Variants in DOCK4 observed in about 807,000 individuals in gnomAD.
DOCK4 encodes the protein dedicator of cytokinesis 4.
Under a neutral mutation model 268.1 loss-of-function variants are expected in DOCK4, and 97 were observed. The ratio of observed to expected loss-of-function variants is 0.36; its 90% CI spans 0.31 to 0.43. DOCK4 has a LOEUF of 0.43. DOCK4 is among the 20% of genes least tolerant of loss of function. The pLI is 1.00. For synonymous variants in DOCK4, 954 were observed against 887.2 expected, an observed-to-expected ratio of 1.08 and a Z score of -1.34; for missense variants, 2,145 against 2,455.7, an observed-to-expected ratio of 0.87 and a Z score of 2.67.
chr7:112,024,238 A>G (rs1198430408), intron 1 of DOCK4, among the ~76,000 whole-genome samples: 1 of 152,260 alleles, frequency 6.6e-6, no homozygotes, highest in Non-Finnish European at 1.5e-5. Flanking sequence ...GGCCTGTCTC[A>G]GCCTCCTGGC....
In DOCK4 at chr7:112,106,593, A is replaced by C. The variant is rs187676478; in HGVS notation, c.37+99509T>G. ...ATGGCAGTTACTGCATTCCTCGCCT[A>C]GCCAATGTTCACTTCATAAGTATTC... On this transcript the variant is annotated intron_variant, in intron 1 of 52. Transcript: ENST00000428084. 4.6e-5 allele frequency among the ~76,000 whole-genome samples: 7 copies of C among 152,346 alleles called. No homozygotes were observed. The East Asian group carries it at 1.3e-3, about 29-fold the overall frequency.
chr7:112,187,695 T>C (rs1819593309), intron 1 of DOCK4, among the ~76,000 whole-genome samples: 1 of 152,144 alleles, frequency 6.6e-6, no homozygotes, highest in Non-Finnish European at 1.5e-5. Context: ...TCACAATGAT[T>C]AATAGTCATA....
chr7:112,153,307 A>C (rs562761878), intron 1 of DOCK4, among the ~76,000 whole-genome samples: 6 of 152,288 alleles, frequency 3.9e-5, no homozygotes, highest in African/African-American at 1.4e-4. Flanking sequence ...TTTAAAAACT[A>C]CATTTAAGTG....
chr7:112,082,041 C>T (rs758532917), intron 1 of DOCK4, among the ~76,000 whole-genome samples: 6 of 118,884 alleles, frequency 5.0e-5, no homozygotes, highest in African/African-American at 9.2e-5. Context: ...AGAGTACCTA[C>T]GCTGGAGAGG....
chr7:111,740,223 C>T, intron 47 of DOCK4: 1 of 311,254 alleles, frequency 3.2e-6, no homozygotes, highest in South Asian at 2.4e-5. Context: ...CCTCAGCCTC[C>T]CGAGTAGCTG....
chr7:111,834,478 T>C (rs1803081245), intron 26 of DOCK4, 110 bp downstream of exon 26: 5 of 858,416 alleles, frequency 5.8e-6, no homozygotes, highest in Non-Finnish European at 8.8e-6. Context: ...AGCTTAGAAC[T>C]TAATGGAAAC....
Position 111,863,480 on chromosome 7 carries a change from C to T in DOCK4, c.2365G>A (p.Asp789Asn). 6.2e-7 allele frequency: 1 copy of T among 1,613,910 alleles called. No homozygotes were observed. The highest frequency in any genetic ancestry group is 8.5e-7 in the Non-Finnish European group (1 of 1,179,886). The change falls in exon 23 of 53, where the codon GAC becomes AAC. Residue 789 changes from aspartate to asparagine, a missense_variant. Coordinates refer to ENST00000428084, the MANE Select transcript of DOCK4 (RefSeq NM_001363540.2). ...DVREVANLVQ[D>N]TLGSLPTILH... ...ATGGTCGGCAGACTGCCCAGGGTGT[C>T]CTGGACCAAGTTGGCTACTTCCCGG... is the stretch of plus-strand genomic sequence containing the variant.
At chr7:112,050,891 T>C (rs1189355938) in intron 1 of DOCK4, among the ~76,000 whole-genome samples, 1 of 152,164 alleles carries the variant, frequency 6.6e-6, no homozygotes, top group East Asian at 1.9e-4. Context: ...TGTTTTTGTT[T>C]AGCTTAGTAT....
intron 42 of DOCK4, among the ~76,000 whole-genome samples, chr7:111,752,126 G>A (rs1489892369): frequency 6.6e-6 from 1 of 152,148 alleles, no homozygotes; most frequent in Non-Finnish European, 1.5e-5. Context: ...GAAGTGATAT[G>A]ACATCTGAGA....
chr7:111,945,268 C>T (rs759080140), intron 9 of DOCK4, among the ~76,000 whole-genome samples: 6 of 152,218 alleles, frequency 3.9e-5, no homozygotes, highest in Non-Finnish European at 7.3e-5. Context: ...TCACTGCAAC[C>T]TCTGCCTCCC....
chr7:111,815,821 G>A (rs912786797), intron 27 of DOCK4, among the ~76,000 whole-genome samples: 2 of 149,202 alleles, frequency 1.3e-5, no homozygotes, highest in Non-Finnish European at 1.5e-5. Context: ...ACAGGTGCCC[G>A]CCACTGCGCC....
At chr7:111,817,899 T>C (rs781564436) in intron 27 of DOCK4, among the ~76,000 whole-genome samples, 9 of 152,278 alleles carry the variant, frequency 5.9e-5, no homozygotes, top group Non-Finnish European at 1.3e-4. Flanking sequence ...CTAATTAGGT[T>C]TTCCTTTTCA....
intron 1 of DOCK4, among the ~76,000 whole-genome samples, chr7:112,137,392 T>C (rs1814463516): frequency 6.6e-6 from 1 of 152,176 alleles, no homozygotes; most frequent in African/African-American, 2.4e-5. Flanking sequence ...CTCCACAGCT[T>C]GAGAGGTTGC....
intron 1 of DOCK4, among the ~76,000 whole-genome samples, chr7:112,100,867 C>T (rs2135809843): frequency 6.6e-6 from 1 of 152,188 alleles, no homozygotes; most frequent in East Asian, 1.9e-4. Flanking sequence ...ACACATCACC[C>T]AAAAGATATC....
At chr7:112,108,496 A>T (rs2115629133) in intron 1 of DOCK4, among the ~76,000 whole-genome samples, 1 of 152,364 alleles carries the variant, frequency 6.6e-6, no homozygotes, top group Admixed American at 6.5e-5. Flanking sequence ...AATATTTTAC[A>T]CCATTAATTA....
At chr7:111,926,757 C>G (rs1475506554) in intron 12 of DOCK4, among the ~76,000 whole-genome samples, 1 of 151,024 alleles carries the variant, frequency 6.6e-6, no homozygotes, top group African/African-American at 2.4e-5. Flanking sequence ...TCACTTGAAC[C>G]CGGGAGGCAG....
At chr7:112,130,111 A>C (rs1813667973) in intron 1 of DOCK4, among the ~76,000 whole-genome samples, 1 of 152,108 alleles carries the variant, frequency 6.6e-6, no homozygotes, top group African/African-American at 2.4e-5. Context: ...GCCGAGTTTG[A>C]ATGTTGGGTA....
At chr7:111,940,378 G>A (rs1795114416) in intron 10 of DOCK4, 136 bp from the exon 11 acceptor site, 1 of 1,134,186 alleles carries the variant, frequency 8.8e-7, no homozygotes, top group South Asian at 1.4e-5. Context: ...GGGCGTAACA[G>A]AAGATATTGC....
chr7:112,168,053 C>CA lies in DOCK4; in HGVS notation c.37+38048dup, dbSNP rs1040283729. Among the ~76,000 whole-genome samples, 640 of 135,090 alleles carry CA rather than the reference C, an allele frequency of 4.7e-3. 2 individuals carry two copies. The highest frequency in any genetic ancestry group is 5.2e-3 in the Non-Finnish European group (320 of 61,832). 88.6% of individuals were successfully genotyped at this position (135,090 alleles called of 152,430 possible). On this transcript the variant is annotated intron_variant, in intron 1 of 52. Coordinates refer to ENST00000428084, the MANE Select transcript of DOCK4 (RefSeq NM_001363540.2). ...ATCTACCACATGTCACAATTTCTGG[C>CA]AAAAAAAAAAAATACTAGTACTCAT...
Sources: allele counts gnomAD v4.1 joint callset (sites outside exome capture counted in the v4.1 genomes callset), GRCh38; gene constraint gnomAD v4.1.1; transcripts MANE v1.5; gene names NCBI Gene and HGNC (gene_info 2026-07-23, HGNC 2026-07-21).